Variants in ASTN1 observed in about 807,000 individuals in gnomAD.
ASTN1 encodes the protein astrotactin-1.
ASTN1 carries 41 observed loss-of-function variants against 140.7 expected under a neutral mutation model. The observed-to-expected ratio is 0.29, with a 90% CI of 0.23 to 0.38. The LOEUF (loss-of-function observed/expected upper bound fraction) is 0.38, where lower values mean the gene tolerates loss of function less well. ASTN1 is among the 10% of genes least tolerant of loss of function. The probability of loss-of-function intolerance (pLI) is 1.00; values close to 1 mark genes in which losing one functional copy is unlikely to be tolerated. For synonymous variants in ASTN1, 640 were observed against 652.2 expected (o/e 0.98, Z 0.29); for missense variants, 1,479 against 1,678.8 (o/e 0.88, Z 2.08).
chr1:177,049,215 C>T (rs113262618), intron 2 of ASTN1, among the ~76,000 whole-genome samples: 1 of 152,184 alleles, frequency 6.6e-6, no homozygotes, highest in Non-Finnish European at 1.5e-5. Context: ...AGCCCAGGAC[C>T]CCCAAGGCAC....
intron 9 of ASTN1, among the ~76,000 whole-genome samples, chr1:176,961,075 C>T (rs1018934829): frequency 6.6e-6 from 1 of 152,192 alleles, no homozygotes; most frequent in South Asian, 2.1e-4. Context: ...CACTGCCTCA[C>T]ACAATTTCTG....
Position 177,061,160 on chromosome 1 carries a change from C to T in ASTN1, c.389G>A (p.Ser130Asn), listed in dbSNP as rs1010222384. 2 of 1,611,678 alleles carry T rather than the reference C, an allele frequency of 1.2e-6. No homozygotes were observed. The highest frequency in any genetic ancestry group is 3.4e-5 in the Admixed American group (2 of 59,664). ...FHIHHQDGAP[S>N]LPGQDPTEEP... ...TTCAGTGGGGTCTTGTCCAGGAAGG[C>T]TTGGGGCACCATCTTGGTGATGAAT... The change falls in exon 2 of 23, where the codon AGC (serine) becomes AAC (asparagine). Residue 130 changes from serine (S) to asparagine (N), a missense_variant. Coordinates refer to ENST00000361833, the MANE Select transcript of ASTN1 (RefSeq NM_004319.3).
chr1:177,136,049 C>T (rs1443552293), intron 1 of ASTN1, among the ~76,000 whole-genome samples: 1 of 152,150 alleles, frequency 6.6e-6, no homozygotes, highest in African/African-American at 2.4e-5. Context: ...AAAGTAGTAC[C>T]ACTGCTCATT....
chr1:177,068,734 C>T (rs1418570705), intron 1 of ASTN1, among the ~76,000 whole-genome samples: 1 of 152,060 alleles, frequency 6.6e-6, no homozygotes, highest in African/African-American at 2.4e-5. Context: ...TTCTGTATGG[C>T]ACCTGGATAA....
intron 8 of ASTN1, among the ~76,000 whole-genome samples, chr1:176,998,104 T>C (rs1050399367): frequency 5.3e-5 from 8 of 152,256 alleles, no homozygotes; most frequent in African/African-American, 1.7e-4. Context: ...TCATACATCA[T>C]GCTGAAAGCC....
chr1:177,027,269 G>A (rs1396164546), intron 5 of ASTN1, among the ~76,000 whole-genome samples: 2 of 151,942 alleles, frequency 1.3e-5, no homozygotes, highest in African/African-American at 2.4e-5. Flanking sequence ...CTAGCCCTTG[G>A]TGCTATAAGG....
At chr1:177,031,201 G>A (rs552277993) in intron 3 of ASTN1, among the ~76,000 whole-genome samples, 2 of 152,244 alleles carry the variant, frequency 1.3e-5, no homozygotes, top group East Asian at 3.9e-4. Flanking sequence ...ATTATATTAT[G>A]TATTATAATA....
At chr1:176,898,509 C>T (rs1185486429) in intron 16 of ASTN1, among the ~76,000 whole-genome samples, 12 of 152,194 alleles carry the variant, frequency 7.9e-5, no homozygotes, top group African/African-American at 2.4e-4. Context: ...TTGGGAAGTA[C>T]TCTTTAAAAT....
chr1:177,020,132 C>T (rs1420096310), intron 7 of ASTN1, among the ~76,000 whole-genome samples: 1 of 152,174 alleles, frequency 6.6e-6, no homozygotes, highest in Admixed American at 6.5e-5. Flanking sequence ...AAGCAATCTG[C>T]CTCCCTTAGC....
chr1:177,024,895 T>C (rs981341860), intron 5 of ASTN1, among the ~76,000 whole-genome samples, 163 bp from the exon 6 acceptor site: 4 of 146,364 alleles, frequency 2.7e-5, no homozygotes, highest in Non-Finnish European at 5.9e-5. Context: ...ACCTTCTTCC[T>C]CACAGACACC....
At chr1:176,968,767 T>C (rs1673002713) in intron 8 of ASTN1, among the ~76,000 whole-genome samples, 1 of 152,146 alleles carries the variant, frequency 6.6e-6, no homozygotes, top group Non-Finnish European at 1.5e-5. Context: ...GATAAAGAGA[T>C]TCCTGCCCTC....
intron 5 of ASTN1, among the ~76,000 whole-genome samples, chr1:177,028,876 C>T (rs1676271944): frequency 6.6e-6 from 1 of 152,192 alleles, no homozygotes; most frequent in Non-Finnish European, 1.5e-5. Context: ...TGTTCTTATC[C>T]AGTACCACAC....
intron 1 of ASTN1, among the ~76,000 whole-genome samples, chr1:177,136,839 G>A (rs1477049603): frequency 6.6e-6 from 1 of 152,126 alleles, no homozygotes; most frequent in Non-Finnish European, 1.5e-5. Flanking sequence ...TATTCACATG[G>A]AAATAGACAT....
intron 21 of ASTN1, among the ~76,000 whole-genome samples, chr1:176,871,950 C>T (rs980258760): frequency 5.3e-5 from 8 of 152,124 alleles, no homozygotes; most frequent in African/African-American, 1.9e-4. Context: ...TACACAGCCT[C>T]ATCATAAAAA....
intron 1 of ASTN1, among the ~76,000 whole-genome samples, chr1:177,107,025 C>T (rs1298631500): frequency 6.6e-6 from 1 of 152,080 alleles, no homozygotes; most frequent in African/African-American, 2.4e-5. Context: ...ATCCCACTGC[C>T]TCACCTAGCT....
At chr1:177,099,744 T>C (rs1299909694) in intron 1 of ASTN1, among the ~76,000 whole-genome samples, 2 of 152,178 alleles carry the variant, frequency 1.3e-5, no homozygotes, top group Non-Finnish European at 2.9e-5. Context: ...ATTCTTCCTA[T>C]TGGTCTTAAT....
At chr1:177,068,243 T>C (rs1197909499) in intron 1 of ASTN1, among the ~76,000 whole-genome samples, 1 of 152,192 alleles carries the variant, frequency 6.6e-6, no homozygotes, top group Non-Finnish European at 1.5e-5. Context: ...TCATTCCTCT[T>C]TCTCCAAACA....
chr1:176,929,706 T>C (rs1258943721), intron 16 of ASTN1, among the ~76,000 whole-genome samples: 2 of 152,122 alleles, frequency 1.3e-5, no homozygotes, highest in Non-Finnish European at 1.5e-5. Context: ...TGTCATTAGA[T>C]AGCATTTAAA....
At chr1:177,035,922 G>T (rs1451693484) in intron 2 of ASTN1, among the ~76,000 whole-genome samples, 2 of 151,568 alleles carry the variant, frequency 1.3e-5, no homozygotes, top group African/African-American at 4.8e-5. Flanking sequence ...TAGGGAGCTA[G>T]AACAGAAGAT....
Sources: gnomAD v4.1 joint callset for allele counts (sites outside exome capture counted in the v4.1 genomes callset) on GRCh38, gnomAD v4.1.1 for gene constraint, MANE v1.5 for transcripts, NCBI Gene and HGNC (gene_info 2026-07-23, HGNC 2026-07-21) for gene names.